RGS6: variants seen among roughly 807,000 people sequenced by gnomAD.
RGS6 encodes regulator of G protein signaling 6, also known as regulator of G-protein signaling 6.
In RGS6, 30 loss-of-function variants were observed where a neutral mutation model predicts 78.5. That is an observed-to-expected ratio of 0.38 (90% CI 0.29 to 0.52). RGS6 has a LOEUF of 0.52. RGS6 is among the 20% of genes least tolerant of loss of function. The pLI is 0.85. For missense variants in RGS6, 495 were observed against 609.7 expected (o/e 0.81, Z 1.98); for synonymous variants, 206 against 206.0 (o/e 1.00, Z 0.00).
chr14:72,595,467 T>TAAAC, the RGS6 span, among the ~76,000 whole-genome samples: 147,574 of 151,780 alleles, frequency 0.97, 71,769 homozygotes, highest in Non-Finnish European at 0.98. Flanking sequence ...CCTCTTAGTT[T>TAAAC]AAACAAACAA....
intron 2 of RGS6, among the ~76,000 whole-genome samples, chr14:72,101,388 T>C (rs1027332681): frequency 2.6e-5 from 4 of 152,230 alleles, no homozygotes; most frequent in African/African-American, 9.6e-5. Flanking sequence ...CACCTCTGTG[T>C]TCCTAGTACC....
At chr14:72,380,051 A>G (rs1350221040) in intron 3 of RGS6, among the ~76,000 whole-genome samples, 1 of 130,578 alleles carries the variant, frequency 7.7e-6, no homozygotes, top group Non-Finnish European at 1.6e-5. Flanking sequence ...AGATGTGAAG[A>G]ACACTCACTG....
intron 2 of RGS6, among the ~76,000 whole-genome samples, chr14:72,056,755 A>G (rs1053663883): frequency 1.3e-5 from 2 of 152,124 alleles, no homozygotes; most frequent in Non-Finnish European, 2.9e-5. Flanking sequence ...TCATGTTCAT[A>G]TTGTACTGTA....
At chr14:72,327,404 C>T (rs1367104660) in intron 2 of RGS6, among the ~76,000 whole-genome samples, 1 of 152,218 alleles carries the variant, frequency 6.6e-6, no homozygotes, top group Non-Finnish European at 1.5e-5. Context: ...CCCTCCGCTT[C>T]TTTCCCCCCA....
intron 16 of RGS6, among the ~76,000 whole-genome samples, chr14:72,537,999 T>C (rs1040973844): frequency 2.0e-5 from 3 of 152,200 alleles, no homozygotes; most frequent in South Asian, 4.1e-4. Flanking sequence ...CTGGGAAAAG[T>C]TCCTTAGAGT....
intron 2 of RGS6, among the ~76,000 whole-genome samples, chr14:72,284,840 C>T (rs750256397): frequency 3.9e-5 from 6 of 152,214 alleles, no homozygotes; most frequent in Non-Finnish European, 7.3e-5. Context: ...TGCAAAGCCA[C>T]AAGGGTGGGG....
intron 3 of RGS6, among the ~76,000 whole-genome samples, chr14:72,394,381 C>A (rs192497524): frequency 6.6e-6 from 1 of 151,938 alleles, no homozygotes; most frequent in Non-Finnish European, 1.5e-5. Flanking sequence ...GGAGGTGGGG[C>A]GAGATCACAG....
intron 2 of RGS6, among the ~76,000 whole-genome samples, chr14:71,967,835 T>A (rs1011990346): frequency 4.6e-5 from 7 of 152,182 alleles, no homozygotes; most frequent in African/African-American, 1.7e-4. Flanking sequence ...TAAATGACAT[T>A]TAGGATGGTA....
the RGS6 span, among the ~76,000 whole-genome samples, chr14:72,609,891 C>T: frequency 3.3e-5 from 5 of 152,208 alleles, no homozygotes; most frequent in Non-Finnish European, 7.3e-5. Flanking sequence ...AGTACCAAAG[C>T]AGCCCAAGGC....
chr14:72,383,521 T>C (rs908850195), intron 3 of RGS6, among the ~76,000 whole-genome samples: 4 of 152,160 alleles, frequency 2.6e-5, no homozygotes, highest in Admixed American at 1.3e-4. Context: ...TCCATTCGGC[T>C]GCGCTCTAGT....
intron 3 of RGS6, among the ~76,000 whole-genome samples, chr14:72,450,731 C>T (rs61995149): frequency 2.7e-3 from 409 of 152,166 alleles, no homozygotes; most frequent in Non-Finnish European, 4.6e-3. Flanking sequence ...AAAAGGAATC[C>T]GCTTCAAATT....
rs549278816 is a variant in RGS6 at position 72,322,902 on chromosome 14, A to G, written c.85-29193A>G. Reference sequence around the variant, plus strand: ...TATACAGACAGAGACATACACACATACATATACCAATACATACTTAGTAAC... The same window carrying G: ...TATACAGACAGAGACATACACACATGCATATACCAATACATACTTAGTAAC... On this transcript the variant is annotated intron_variant, in intron 2 of 17. Transcript: ENST00000553525. Among the ~76,000 whole-genome samples the G allele has an allele frequency of 4.6e-5, 7 of 152,254 alleles. No homozygotes were observed. The South Asian group carries it at 1.0e-3, about 23-fold the overall frequency.
chr14:72,567,805 C>T (rs1415739013), downstream of RGS6, among the ~76,000 whole-genome samples: 2 of 152,334 alleles, frequency 1.3e-5, no homozygotes, highest in South Asian at 2.1e-4. Context: ...CTCTGCCCAG[C>T]AGGCTCTCCC....
the RGS6 span, among the ~76,000 whole-genome samples, chr14:72,579,701 CA>C: frequency 6.6e-6 from 1 of 152,180 alleles, no homozygotes; most frequent in East Asian, 1.9e-4. Context: ...GAATGGACAG[CA>C]AAGGGTGTTG....
rs2097694714 is a variant in RGS6 at position 72,563,285 on chromosome 14, C to G, written c.*818C>G. 6.3e-6 allele frequency: 1 copy of G among 159,244 alleles called. No individual in the cohort carries two copies. Among genetic ancestry groups the G allele is most frequent in the Non-Finnish European group, 1.4e-5 (1 of 71,788 alleles). The allele number at this position is 159,244 out of a possible 1,614,324, so 9.9% of individuals were successfully genotyped here. A position where few individuals can be genotyped will look rare whatever the true frequency, so the allele number is the denominator to read the frequency against. On this transcript the variant is annotated 3_prime_UTR_variant, in exon 18 of 18. Coordinates refer to ENST00000553525, the MANE Select transcript of RGS6 (RefSeq NM_001204424.2). ...TTTCATAATTTATTCTGGCTTTGCC[C>G]CCTTGCTCCTTGGTTTATTCCCTCA...
At chr14:71,981,237 C>T (rs1015693290) in intron 2 of RGS6, among the ~76,000 whole-genome samples, 38 of 152,010 alleles carry the variant, frequency 2.5e-4, no homozygotes, top group East Asian at 1.4e-3. Context: ...GTAATTTGAT[C>T]GTCTGAAGCC....
the RGS6 span, among the ~76,000 whole-genome samples, chr14:71,890,358 C>CAGACAGACAGACAG: frequency 7.4e-4 from 99 of 133,098 alleles, no homozygotes; most frequent in African/African-American, 2.9e-3. Flanking sequence ...GTGCATAAGA[C>CAGACAGACAGACAG]AGAGAGAGAG....
At chr14:71,967,814 G>T (rs17105032) in intron 2 of RGS6, among the ~76,000 whole-genome samples, 12,870 of 152,100 alleles carry the variant, frequency 0.085, 708 homozygotes, top group East Asian at 0.21. Flanking sequence ...CCATAATGTT[G>T]TTGTGACTTT....
At chr14:72,122,676 G>A (rs557334851) in intron 2 of RGS6, among the ~76,000 whole-genome samples, 11 of 151,664 alleles carry the variant, frequency 7.3e-5, no homozygotes, top group East Asian at 3.9e-4. Context: ...TTTGTTATAC[G>A]CTGTCATTTC....
Sources: allele counts gnomAD v4.1 joint callset (sites outside exome capture counted in the v4.1 genomes callset), GRCh38; gene constraint gnomAD v4.1.1; transcripts MANE v1.5; gene names NCBI Gene and HGNC (gene_info 2026-07-23, HGNC 2026-07-21).